Variants in PDE4B observed in about 807,000 individuals in gnomAD.
PDE4B encodes the protein 3',5'-cyclic-AMP phosphodiesterase 4B.
PDE4B carries 20 observed loss-of-function variants against 82.2 expected under a neutral mutation model. The ratio of observed to expected loss-of-function variants is 0.24; its 90% confidence interval spans 0.17 to 0.35. PDE4B has a LOEUF of 0.35. Ranked by LOEUF, PDE4B falls within the 10% of genes least tolerant of loss-of-function variation. The pLI is 1.00. For missense variants in PDE4B, 655 were observed against 907.2 expected (o/e 0.72, Z 3.57); for synonymous variants, 320 against 318.9 (o/e 1.00, Z -0.04).
At chr1:66,119,157 G>C (rs1393681963) in intron 3 of PDE4B, among the ~76,000 whole-genome samples, 1 of 152,180 alleles carries the variant, frequency 6.6e-6, no homozygotes, top group Non-Finnish European at 1.5e-5. Context: ...ATGTGGCCTA[G>C]TCTCGATTTT....
intron 3 of PDE4B, among the ~76,000 whole-genome samples, chr1:66,155,338 C>T (rs146011272): frequency 1.9e-4 from 29 of 152,160 alleles, no homozygotes; most frequent in African/African-American, 6.7e-4. Flanking sequence ...TGCCTACCTA[C>T]AATTTCTGCT....
rs1004108424 is a variant in PDE4B at position 65,867,980 on chromosome 1, A to G, written c.-70-45265A>G. 2.0e-5 allele frequency among the ~76,000 whole-genome samples: 3 copies of G among 152,238 alleles called. No individual in the cohort carries two copies. The South Asian group carries it at 6.2e-4, about 32-fold the overall frequency. ...TCTACGGTCAGTTAATAGACATTTA[A>G]TGAGTGGATAACAAATATCTGTCTA... On this transcript the variant is annotated intron_variant, in intron 1 of 16. Transcript: ENST00000341517.
chr1:65,887,035 AT>A lies in PDE4B; in HGVS notation c.-70-26202del, dbSNP rs968273106. Among the ~76,000 whole-genome samples, 173 of 151,638 alleles carry A rather than the reference AT, an allele frequency of 1.1e-3. 1 individual carries two copies. The highest frequency in any genetic ancestry group is 4.1e-3 in the African/African-American group (169 of 41,404). On this transcript the variant is annotated intron_variant, in intron 1 of 16. Coordinates refer to ENST00000341517, the MANE Select transcript of PDE4B (RefSeq NM_002600.4). Reference sequence around the variant, plus strand: ...CTTCACATTCTCACCAGCATCTGCTATTTTTTTTGTTTTAATAGTCGTTCAA... The same window carrying A: ...CTTCACATTCTCACCAGCATCTGCTATTTTTTTGTTTTAATAGTCGTTCAA...
intron 1 of PDE4B, among the ~76,000 whole-genome samples, chr1:65,883,375 C>T (rs1646732719): frequency 6.6e-6 from 1 of 152,110 alleles, no homozygotes; most frequent in African/African-American, 2.4e-5. Context: ...CCCTCACATC[C>T]CTTGTAAGTT....
At chr1:66,301,269 A>C (rs146776064) in intron 7 of PDE4B, among the ~76,000 whole-genome samples, 3 of 152,228 alleles carry the variant, frequency 2.0e-5, no homozygotes, top group Non-Finnish European at 4.4e-5. Flanking sequence ...GGAGCTTCTC[A>C]TTTGATCAGC....
intron 1 of PDE4B, among the ~76,000 whole-genome samples, chr1:65,838,751 T>C (rs1238331786): frequency 1.3e-5 from 2 of 151,784 alleles, no homozygotes; most frequent in Non-Finnish European, 2.9e-5. Flanking sequence ...GTTACTCTAA[T>C]AGCATTCCTT....
intron 3 of PDE4B, among the ~76,000 whole-genome samples, chr1:66,178,513 A>C (rs1431543289): frequency 2.0e-5 from 3 of 152,194 alleles, no homozygotes; most frequent in Admixed American, 6.5e-5. Flanking sequence ...TTATTTATAA[A>C]GTTTATAAAT....
intron 7 of PDE4B, among the ~76,000 whole-genome samples, chr1:66,326,163 T>C (rs1253064142): frequency 3.3e-5 from 5 of 152,238 alleles, no homozygotes; most frequent in African/African-American, 4.8e-5. Context: ...GGAAATGTTT[T>C]TTAGAAATTC....
At chr1:65,832,020 T>A (rs1408916966) in intron 1 of PDE4B, among the ~76,000 whole-genome samples, 1 of 152,182 alleles carries the variant, frequency 6.6e-6, no homozygotes, top group Non-Finnish European at 1.5e-5. Context: ...ATTGGTGAAT[T>A]CCTTTTAGGA....
chr1:66,054,641 A>G (rs1389903670), intron 3 of PDE4B, among the ~76,000 whole-genome samples: 1 of 152,160 alleles, frequency 6.6e-6, no homozygotes, highest in Non-Finnish European at 1.5e-5. Flanking sequence ...ATAAGTTACT[A>G]CAGACTTGTA....
At chr1:65,998,553 T>C (rs1486003416) in intron 3 of PDE4B, among the ~76,000 whole-genome samples, 1 of 152,046 alleles carries the variant, frequency 6.6e-6, no homozygotes, top group African/African-American at 2.4e-5. Context: ...ACAATGTGCA[T>C]TTGAGAGATA....
rs536854175 is a variant in PDE4B, at chr1:66,185,426, A to C, written c.282-62034A>C. Among the ~76,000 whole-genome samples, 3 of 152,274 alleles carry C rather than the reference A, an allele frequency of 2.0e-5. No individual in the cohort carries two copies. The South Asian group carries it at 6.2e-4, about 32-fold the overall frequency. Reference sequence around the variant, plus strand: ...CTGAGGAATCGCCACATTGACTTCCACAATGGTTGAACTAGTTTACAGTCC... The same window carrying C: ...CTGAGGAATCGCCACATTGACTTCCCCAATGGTTGAACTAGTTTACAGTCC... On this transcript the variant is annotated intron_variant, in intron 3 of 16. Coordinates refer to ENST00000341517, the MANE Select transcript of PDE4B (RefSeq NM_002600.4).
chr1:66,160,239 G>A (rs748437267), intron 3 of PDE4B, among the ~76,000 whole-genome samples: 3 of 152,210 alleles, frequency 2.0e-5, no homozygotes, highest in Non-Finnish European at 4.4e-5. Context: ...CCAGAAACAA[G>A]AGACCCAAAG....
intron 6 of PDE4B, among the ~76,000 whole-genome samples, chr1:66,265,089 C>G (rs1343031340): frequency 6.6e-6 from 1 of 152,180 alleles, no homozygotes; most frequent in Non-Finnish European, 1.5e-5. Flanking sequence ...AAATGTGGTC[C>G]TCAGACCAGC....
intron 1 of PDE4B, among the ~76,000 whole-genome samples, chr1:65,852,593 C>T (rs1167319593): frequency 6.6e-6 from 1 of 151,926 alleles, no homozygotes; most frequent in Non-Finnish European, 1.5e-5. Flanking sequence ...ATCCATGTCT[C>T]TCACTGTAAA....
chr1:65,948,545 CA>C (rs1648830778), intron 3 of PDE4B, among the ~76,000 whole-genome samples: 1 of 151,954 alleles, frequency 6.6e-6, no homozygotes, highest in Non-Finnish European at 1.5e-5. Context: ...TATTCACTGG[CA>C]GCTGATTAGA....
chr1:66,193,026 T>C (rs1292571033), intron 3 of PDE4B, among the ~76,000 whole-genome samples: 3 of 152,172 alleles, frequency 2.0e-5, no homozygotes, highest in South Asian at 4.1e-4. Context: ...TTATGAAGAA[T>C]TGCTAAATTG....
intron 3 of PDE4B, among the ~76,000 whole-genome samples, chr1:66,030,957 T>C (rs1272104132): frequency 3.3e-5 from 5 of 152,102 alleles, no homozygotes; most frequent in African/African-American, 4.8e-5. Flanking sequence ...TGGGGACCAC[T>C]AGAAGAGGGA....
intron 1 of PDE4B, among the ~76,000 whole-genome samples, chr1:65,819,086 CAGA>C (rs1208401850): frequency 6.6e-6 from 1 of 152,188 alleles, no homozygotes; most frequent in Admixed American, 6.5e-5. Flanking sequence ...ATTGCCATAG[CAGA>C]AGGAGAAGGG....
Sources: allele counts gnomAD v4.1 joint callset (sites outside exome capture counted in the v4.1 genomes callset), GRCh38; gene constraint gnomAD v4.1.1; transcripts MANE v1.5; gene names NCBI Gene and HGNC (gene_info 2026-07-23, HGNC 2026-07-21).